Variants in THSD7B observed in about 807,000 individuals in gnomAD.
THSD7B encodes the protein thrombospondin type 1 domain containing 7B.
In THSD7B, 138 loss-of-function variants were observed where a neutral mutation model predicts 213.6. That is an observed-to-expected ratio of 0.65 (90% CI 0.56 to 0.74). THSD7B has a LOEUF of 0.74. Among genes scored for constraint, THSD7B ranks in the 30% least tolerant of loss-of-function variants. THSD7B has a pLI of 0.00. For synonymous variants in THSD7B, 742 were observed against 687.0 expected, an observed-to-expected ratio of 1.08 and a Z score of -1.25; for missense variants, 1,931 against 1,991.5, an observed-to-expected ratio of 0.97 and a Z score of 0.58.
At chr2:137,425,482 G>T (rs1007980971) in intron 14 of THSD7B, among the ~76,000 whole-genome samples, 1 of 152,144 alleles carries the variant, frequency 6.6e-6, no homozygotes, top group Non-Finnish European at 1.5e-5. Context: ...CTCCCAAAGT[G>T]TTGGGATTAC....
At chr2:137,285,181 T>G (rs1360603323) in intron 12 of THSD7B, among the ~76,000 whole-genome samples, 1 of 152,162 alleles carries the variant, frequency 6.6e-6, no homozygotes. Context: ...TTTTGATCTT[T>G]ATTGGTTTAA....
intron 2 of THSD7B, among the ~76,000 whole-genome samples, chr2:137,028,231 C>T (rs1045041239): frequency 1.3e-5 from 2 of 152,074 alleles, no homozygotes; most frequent in Admixed American, 1.3e-4. Flanking sequence ...AACAGAAAGA[C>T]TCAAGTATGA....
At chr2:136,930,398 C>G (rs559545404) in intron 2 of THSD7B, among the ~76,000 whole-genome samples, 2 of 152,066 alleles carry the variant, frequency 1.3e-5, no homozygotes, top group Non-Finnish European at 2.9e-5. Flanking sequence ...ATGGTTCATG[C>G]GAAGGAATAG....
chr2:137,505,896 A>C (rs1323052025), intron 15 of THSD7B, among the ~76,000 whole-genome samples: 2 of 152,200 alleles, frequency 1.3e-5, no homozygotes, highest in Non-Finnish European at 2.9e-5. Flanking sequence ...AAGCAGGCTT[A>C]AGATTGGCTA....
At chr2:137,338,712 G>A (rs1238773639) in intron 12 of THSD7B, among the ~76,000 whole-genome samples, 1 of 152,030 alleles carries the variant, frequency 6.6e-6, no homozygotes, top group Non-Finnish European at 1.5e-5. Context: ...ATTCTGCTTA[G>A]GATGTGGTAC....
intron 1 of THSD7B, among the ~76,000 whole-genome samples, chr2:136,801,411 T>A (rs1682175635): frequency 6.6e-6 from 1 of 152,044 alleles, no homozygotes; most frequent in South Asian, 2.1e-4. Context: ...GTATCTAGAA[T>A]CATTTGAGAC....
chr2:137,392,849 G>A (rs1264939122), intron 12 of THSD7B, among the ~76,000 whole-genome samples: 1 of 151,958 alleles, frequency 6.6e-6, no homozygotes, highest in Non-Finnish European at 1.5e-5. Context: ...ATTGTCTTTA[G>A]GTGAAATTCT....
chr2:137,331,514 C>T (rs917021924), intron 12 of THSD7B, among the ~76,000 whole-genome samples: 3 of 152,232 alleles, frequency 2.0e-5, no homozygotes, highest in African/African-American at 4.8e-5. Flanking sequence ...TCTCCACGTC[C>T]CCACCAGACT....
In THSD7B at chr2:137,551,040, G is replaced by A. The variant is rs568922070; in HGVS notation, c.3139-12181G>A. 4.6e-5 allele frequency among the ~76,000 whole-genome samples: 7 copies of A among 151,138 alleles called. No individual in the cohort carries two copies. The South Asian group carries it at 6.3e-4, about 14-fold the overall frequency. On this transcript the variant is annotated intron_variant, in intron 15 of 27. Transcript: ENST00000409968. The stretch of plus-strand genomic sequence containing the variant: ...ATAAATAAATAATAAAAAAGCAACC[G>A]AATCATTGAAGTAATCAAAAGATAA...
At chr2:136,895,156 T>C (rs1683933455) in intron 2 of THSD7B, among the ~76,000 whole-genome samples, 1 of 152,198 alleles carries the variant, frequency 6.6e-6, no homozygotes, top group Non-Finnish European at 1.5e-5. Context: ...AAAAATATTA[T>C]ATTATGGCAC....
chr2:137,352,862 C>A (rs1020965708), intron 12 of THSD7B, among the ~76,000 whole-genome samples: 9 of 151,874 alleles, frequency 5.9e-5, no homozygotes, highest in African/African-American at 1.9e-4. Context: ...CTTTTTAAAG[C>A]AGAATTTTTA....
intron 12 of THSD7B, among the ~76,000 whole-genome samples, chr2:137,360,630 G>T (rs1685231685): frequency 6.6e-6 from 1 of 152,130 alleles, no homozygotes; most frequent in South Asian, 2.1e-4. Context: ...AGATTGAACT[G>T]CTGGGCGGCA....
At chr2:137,473,021 C>T (rs1165149081) in intron 15 of THSD7B, among the ~76,000 whole-genome samples, 1 of 151,536 alleles carries the variant, frequency 6.6e-6, no homozygotes, top group Non-Finnish European at 1.5e-5. Flanking sequence ...TGGTTGCAGA[C>T]ACAAGTCTTC....
intron 2 of THSD7B, among the ~76,000 whole-genome samples, chr2:136,907,086 A>G (rs1684177623): frequency 6.6e-6 from 1 of 151,620 alleles, no homozygotes; most frequent in Non-Finnish European, 1.5e-5. Context: ...CTGGGATTAC[A>G]GGCACTCGCC....
chr2:137,250,937 T>G (rs1001665556), intron 10 of THSD7B, among the ~76,000 whole-genome samples: 1 of 152,172 alleles, frequency 6.6e-6, no homozygotes, highest in African/African-American at 2.4e-5. Flanking sequence ...CACTTTGCCC[T>G]CTGAAGTCCC....
At chr2:137,069,587 T>A (rs1056107431) in intron 3 of THSD7B, among the ~76,000 whole-genome samples, 3 of 152,014 alleles carry the variant, frequency 2.0e-5, no homozygotes, top group African/African-American at 7.2e-5. Flanking sequence ...GCACTGTGAC[T>A]TCCTCATTAA....
At chr2:137,435,227 T>C (rs1687268567) in intron 14 of THSD7B, among the ~76,000 whole-genome samples, 1 of 152,196 alleles carries the variant, frequency 6.6e-6, no homozygotes, top group Non-Finnish European at 1.5e-5. Flanking sequence ...TTTTTGGTTA[T>C]TGGAGCCATG....
At chr2:137,346,460 C>G (rs1272913518) in intron 12 of THSD7B, among the ~76,000 whole-genome samples, 3 of 150,974 alleles carry the variant, frequency 2.0e-5, no homozygotes, top group African/African-American at 7.3e-5. Flanking sequence ...TAAGGCTGTG[C>G]ATAATATTAA....
chr2:137,195,383 A>G (rs1680740527), intron 7 of THSD7B, among the ~76,000 whole-genome samples: 1 of 152,092 alleles, frequency 6.6e-6, no homozygotes, highest in Non-Finnish European at 1.5e-5. Flanking sequence ...CTTGGTTTCT[A>G]AATGCCATTT....
Sources: gnomAD v4.1 joint callset for allele counts (sites outside exome capture counted in the v4.1 genomes callset) on GRCh38, gnomAD v4.1.1 for gene constraint, MANE v1.5 for transcripts, NCBI Gene and HGNC (gene_info 2026-07-23, HGNC 2026-07-21) for gene names.